Variants in MSI2 observed in about 807,000 individuals in gnomAD.
MSI2 encodes musashi RNA binding protein 2.
In MSI2, 17 loss-of-function variants were observed where a neutral mutation model predicts 45.6. That is an observed-to-expected ratio of 0.37 (90% confidence interval 0.26 to 0.56). MSI2 has a LOEUF of 0.56. Ranked by LOEUF, MSI2 falls within the 20% of genes least tolerant of loss-of-function variation. MSI2 has a pLI of 0.77. For synonymous variants in MSI2, 156 were observed against 158.2 expected, an observed-to-expected ratio of 0.99 and a Z score of 0.11; for missense variants, 293 against 444.2, an observed-to-expected ratio of 0.66 and a Z score of 3.06.
downstream of MSI2, among the ~76,000 whole-genome samples, chr17:57,688,932 A>T (rs935842315): frequency 4.6e-5 from 7 of 152,210 alleles, no homozygotes; most frequent in Non-Finnish European, 8.8e-5. Context: ...AAACAAAACT[A>T]TTTTTAAAAG....
Position 57,529,393 on chromosome 17 carries a change from G to A in MSI2, c.406-283G>A, listed in dbSNP as rs933431801. ...CGAGACTGCAGTGAGCCGTGATGGT[G>A]CCACTGCACTCTAGCCTGGGTGACA... On this transcript the variant is annotated intron_variant, in intron 6 of 13. Transcript: ENST00000284073. This position sits in a 1 kb window ranked among gnomAD's most constrained non-coding sequence, Gnocchi z 5.3. Among the ~76,000 whole-genome samples the A allele has an allele frequency of 6.6e-6, 1 of 152,152 alleles. No individual in the cohort carries two copies. Among genetic ancestry groups the A allele is most frequent in the Non-Finnish European group, 1.5e-5 (1 of 68,020 alleles).
chr17:57,506,871 A>T (rs1365237419), intron 6 of MSI2, among the ~76,000 whole-genome samples: 1 of 152,152 alleles, frequency 6.6e-6, no homozygotes, highest in Admixed American at 6.5e-5. Flanking sequence ...GATTTCTGAC[A>T]GCTAGGAAAT....
intron 7 of MSI2, among the ~76,000 whole-genome samples, chr17:57,533,911 TG>T (rs796370311): frequency 6.6e-6 from 1 of 152,220 alleles, no homozygotes; most frequent in South Asian, 2.1e-4. Flanking sequence ...TCCCAGCCAC[TG>T]GGAAGGAGGT....
intron 6 of MSI2, among the ~76,000 whole-genome samples, chr17:57,515,280 C>T (rs2086446802): frequency 6.6e-6 from 1 of 152,100 alleles, no homozygotes; most frequent in Admixed American, 6.6e-5. Context: ...CTCGGCTCGC[C>T]GCAACCTCCG....
chr17:57,578,777 A>G (rs1159033569), intron 7 of MSI2, among the ~76,000 whole-genome samples: 2 of 152,162 alleles, frequency 1.3e-5, no homozygotes, highest in Admixed American at 6.5e-5. Flanking sequence ...ATCAAGTTTC[A>G]TAAGCGTGGA....
the MSI2 span, among the ~76,000 whole-genome samples, chr17:57,689,928 T>C: frequency 6.6e-6 from 1 of 152,198 alleles, no homozygotes; most frequent in East Asian, 1.9e-4. Flanking sequence ...TTTTGGCAAT[T>C]ATATATAAAG....
chr17:57,619,433 G>T (rs1908072058), intron 9 of MSI2, among the ~76,000 whole-genome samples: 1 of 152,266 alleles, frequency 6.6e-6, no homozygotes, highest in African/African-American at 2.4e-5. Flanking sequence ...GGGGTGGTTG[G>T]AGAGCACGTC....
intron 5 of MSI2, among the ~76,000 whole-genome samples, chr17:57,308,194 G>A (rs192636794): frequency 1.1e-4 from 17 of 152,086 alleles, no homozygotes; most frequent in South Asian, 1.0e-3. Context: ...TAAATGAGAC[G>A]ACGTGCCTGG....
At chr17:57,648,460 G>A (rs540686114) in intron 10 of MSI2, among the ~76,000 whole-genome samples, 87 of 152,288 alleles carry the variant, frequency 5.7e-4, no homozygotes, top group African/African-American at 1.9e-3. Flanking sequence ...CTAGTAAGCG[G>A]CTGAGCCAGG....
Position 57,362,137 on chromosome 17 carries a change from G to A in MSI2, c.313-39242G>A, listed in dbSNP as rs571367576. Among the ~76,000 whole-genome samples, 264 of 152,314 alleles carry A rather than the reference G, an allele frequency of 1.7e-3. 1 individual carries two copies. The highest frequency in any genetic ancestry group is 1.8e-3 in the Non-Finnish European group (120 of 68,038). On this transcript the variant is annotated intron_variant, in intron 5 of 13. Coordinates refer to ENST00000284073, the MANE Select transcript of MSI2 (RefSeq NM_138962.4). ...TGTGAATGGCTCGTGGAACTGCACGGAACCCAGTGGTGGGCAGTATCTTTG... is the reference window on the plus strand; with the variant it reads ...TGTGAATGGCTCGTGGAACTGCACGAAACCCAGTGGTGGGCAGTATCTTTG...
intron 5 of MSI2, among the ~76,000 whole-genome samples, chr17:57,272,327 C>T (rs1356637728): frequency 2.0e-5 from 3 of 152,174 alleles, no homozygotes; most frequent in Non-Finnish European, 2.9e-5. Context: ...TTTCTGGATA[C>T]CTGCCGGAGC....
intron 5 of MSI2, among the ~76,000 whole-genome samples, chr17:57,334,803 A>AT (rs1914564174): frequency 6.6e-6 from 1 of 151,878 alleles, no homozygotes; most frequent in Non-Finnish European, 1.5e-5. Context: ...CAAAAAAAAA[A>AT]ATAAATAAAT....
At chr17:57,419,483 C>T (rs963393378) in intron 6 of MSI2, among the ~76,000 whole-genome samples, 49 of 151,968 alleles carry the variant, frequency 3.2e-4, no homozygotes, top group Non-Finnish European at 6.0e-4. Flanking sequence ...CTGCCTCAGC[C>T]TCCCGAGTAG....
At chr17:57,436,052 C>A (rs929022554) in intron 6 of MSI2, among the ~76,000 whole-genome samples, 15 of 152,126 alleles carry the variant, frequency 9.9e-5, no homozygotes, top group Non-Finnish European at 2.1e-4. Flanking sequence ...TGAATGCATG[C>A]CTGAAAAATC....
chr17:57,655,404 G>T (rs1054502468), intron 11 of MSI2, among the ~76,000 whole-genome samples: 1 of 152,172 alleles, frequency 6.6e-6, no homozygotes, highest in Admixed American at 6.5e-5. Flanking sequence ...AAGTGGTTTG[G>T]ATATTCAGGG....
chr17:57,282,478 T>C (rs189578722), intron 5 of MSI2, among the ~76,000 whole-genome samples: 4 of 152,266 alleles, frequency 2.6e-5, no homozygotes, highest in Admixed American at 2.6e-4. Context: ...CTTGCTGAGA[T>C]GATAAAGAAG....
chr17:57,257,211 T>TCGGGGGGG (rs2143131593), intron 2 of MSI2, 73 bp downstream of exon 2: 2 of 569,828 alleles, frequency 3.5e-6, no homozygotes, highest in East Asian at 5.3e-5. Flanking sequence ...TATCCCGGTG[T>TCGGGGGGG]AGGAGCCCCC....
chr17:57,285,487 T>G (rs1483283757), intron 5 of MSI2, among the ~76,000 whole-genome samples: 4 of 152,210 alleles, frequency 2.6e-5, no homozygotes, highest in Admixed American at 6.5e-5. Context: ...TTCGCTGGTA[T>G]TCACAAAATC....
chr17:57,545,819 G>A (rs1167035397), intron 7 of MSI2, among the ~76,000 whole-genome samples: 3 of 152,218 alleles, frequency 2.0e-5, no homozygotes, highest in Middle Eastern at 3.2e-3. Context: ...GCCTGGCAGA[G>A]AAGGGGGTGT....
Sources: gnomAD v4.1 joint callset for allele counts (sites outside exome capture counted in the v4.1 genomes callset) on GRCh38, gnomAD v4.1.1 for gene constraint, Gnocchi (gnomAD v3.1) non-coding constraint, MANE v1.5 for transcripts, NCBI Gene and HGNC (gene_info 2026-07-23, HGNC 2026-07-21) for gene names.